CPZ: variants seen among roughly 807,000 people sequenced by gnomAD.
The protein encoded by CPZ is carboxypeptidase Z, also known as VEZT/CPZ fusion.
CPZ carries 103 observed loss-of-function variants against 61.8 expected under a neutral mutation model. The observed-to-expected ratio is 1.67, with a 90% CI of 1.42 to 1.96. The LOEUF is 1.96. Ranked by LOEUF, CPZ falls within the 30% of genes most tolerant of loss-of-function variation. CPZ has a pLI of 0.00. For synonymous variants in CPZ, 551 were observed against 373.7 expected (o/e 1.47, Z -5.47); for missense variants, 1,461 against 914.9 (o/e 1.60, Z -7.70).
intron 10 of CPZ, 61 bp from the exon 11 acceptor site, chr4:8,619,201 A>T: frequency 7.0e-7 from 1 of 1,438,266 alleles, no homozygotes; most frequent in South Asian, 1.3e-5. Flanking sequence ...TCCATCACCC[A>T]TCACCCCGTG....
At chr4:8,615,471 A>G (rs1716085463) in intron 9 of CPZ, among the ~76,000 whole-genome samples, 1 of 152,240 alleles carries the variant, frequency 6.6e-6, no homozygotes, top group African/African-American at 2.4e-5. Context: ...ACAGATGCCC[A>G]GTGAGAAGCA....
intron 1 of CPZ, among the ~76,000 whole-genome samples, chr4:8,597,789 T>G (rs1367154566): frequency 6.6e-6 from 1 of 152,172 alleles, no homozygotes; most frequent in African/African-American, 2.4e-5. Flanking sequence ...CCCCGGAAGA[T>G]CGTGTGCTGG....
intron 1 of CPZ, among the ~76,000 whole-genome samples, chr4:8,593,132 G>T (rs1005072860): frequency 4.6e-5 from 7 of 152,188 alleles, no homozygotes; most frequent in African/African-American, 1.7e-4. Context: ...GCTCTCTACG[G>T]CATCCAGGCC....
intron 4 of CPZ, among the ~76,000 whole-genome samples, chr4:8,605,330 C>CCATCCATCCATCCATCATTTATG (rs1340225512): frequency 0.06 from 8,918 of 149,220 alleles, 530 homozygotes; most frequent in African/African-American, 0.16. Flanking sequence ...ATTCATCCAT[C>CCATCCATCCATCCATCATTTATG]CATCCATCCA....
rs542634534 is a variant in CPZ, at chr4:8,608,148, CCCCAGCCCCCAGCT to C, written c.1227+724_1227+737del. On this transcript the variant is annotated intron_variant, in intron 7 of 10. Coordinates refer to ENST00000360986, the MANE Select transcript of CPZ (RefSeq NM_001014447.3). ...TGGGCCCCAGCCTCCAGCCCCCAGC[CCCCAGCCCCCAGCT>C]GCGGATCCTGGAGCTTAGCTGCCTG... Among the ~76,000 whole-genome samples the C allele has an allele frequency of 2.5e-3, 364 of 148,274 alleles. 3 individuals carry two copies. Among genetic ancestry groups the C allele is most frequent in the African/African-American group, 8.9e-3 (347 of 38,788 alleles).
At chr4:8,609,047 C>CCTCA (rs1553877564) in intron 7 of CPZ, among the ~76,000 whole-genome samples, 312 of 28,428 alleles carry the variant, frequency 0.011, 6 homozygotes, top group African/African-American at 0.045. Flanking sequence ...CCATTCACTC[C>CCTCA]CTCCCTCCCT....
chr4:8,607,875 G>C (rs1163086914), intron 7 of CPZ, among the ~76,000 whole-genome samples: 1 of 152,178 alleles, frequency 6.6e-6, no homozygotes, highest in Non-Finnish European at 1.5e-5. Flanking sequence ...CACGTGCTGG[G>C]CTCCTCCGGA....
At chr4:8,606,573 G>C (rs566106490) in intron 5 of CPZ, among the ~76,000 whole-genome samples, 164 bp from the exon 6 acceptor site, 144 of 152,276 alleles carry the variant, frequency 9.5e-4, no homozygotes, top group African/African-American at 3.2e-3. Flanking sequence ...GAGCCCCGGG[G>C]TGGAGAGGAG....
intron 1 of CPZ, among the ~76,000 whole-genome samples, chr4:8,596,737 C>A (rs1275352751): frequency 1.3e-5 from 2 of 152,176 alleles, no homozygotes; most frequent in Non-Finnish European, 2.9e-5. Flanking sequence ...CATCTGTGAA[C>A]AAGGGAGACT....
At chr4:8,618,691 G>C (rs968177089) in intron 10 of CPZ, among the ~76,000 whole-genome samples, 163 bp downstream of exon 10, 1 of 152,170 alleles carries the variant, frequency 6.6e-6, no homozygotes, top group African/African-American at 2.4e-5. Context: ...AGGAACCAGG[G>C]TCTGCGTCTC....
intron 10 of CPZ, among the ~76,000 whole-genome samples, chr4:8,619,009 G>A (rs562126392): frequency 6.6e-6 from 1 of 152,142 alleles, no homozygotes; most frequent in African/African-American, 2.4e-5. Context: ...GCTAACTGTG[G>A]GGTGGGTATG....
At chr4:8,614,605 A>G (rs1716008261) in intron 9 of CPZ, 107 bp downstream of exon 9, 12 of 1,177,902 alleles carry the variant, frequency 1.0e-5, no homozygotes, top group Non-Finnish European at 1.3e-5. Flanking sequence ...CCATACACAC[A>G]TGCTCCTTTT....
At chr4:8,611,409 C>T (rs1003649643) in intron 7 of CPZ, 1 of 417,184 alleles carries the variant, frequency 2.4e-6, no homozygotes, top group Non-Finnish European at 5.0e-6. Context: ...CCCAGCCACA[C>T]ATCCAAACAT....
chr4:8,608,144 C>T (rs910657090), intron 7 of CPZ, among the ~76,000 whole-genome samples: 1 of 151,844 alleles, frequency 6.6e-6, no homozygotes, highest in Non-Finnish European at 1.5e-5. Flanking sequence ...CTCCAGCCCC[C>T]AGCCCCCAGC....
chr4:8,604,036 G>A lies in CPZ; in HGVS notation c.557G>A (p.Ser186Asn). 1.2e-6 allele frequency: 2 copies of A among 1,612,128 alleles called. No individual in the cohort carries two copies. The highest frequency in any genetic ancestry group is 1.7e-6 in the Non-Finnish European group (2 of 1,179,850). ...SGLPPTFIRFSHHSYAQMVRV... is the reference protein window; with the variant it reads ...SGLPPTFIRFNHHSYAQMVRV... ...CTGCCGCCCACCTTCATCCGCTTCA[G>A]CCACCACTCCTACGCCCAGATGGTG... Residue 186 changes from serine to asparagine, a missense_variant, in exon 4 of 11, where the codon AGC becomes AAC. Physicochemically the swap from Ser to Asn is conservative, Grantham distance 46. Transcript: ENST00000360986.
chr4:8,614,272 C>G (rs1486709579), intron 8 of CPZ, 87 bp from the exon 9 acceptor site: 1 of 1,466,990 alleles, frequency 6.8e-7, no homozygotes, highest in Non-Finnish European at 9.1e-7. Flanking sequence ...GGCGTCCCGG[C>G]TGTCTCTGTG....
intron 7 of CPZ, among the ~76,000 whole-genome samples, chr4:8,608,142 C>T (rs370489188): frequency 5.1e-5 from 7 of 137,820 alleles, no homozygotes; most frequent in African/African-American, 9.1e-5. Flanking sequence ...GCCTCCAGCC[C>T]CCAGCCCCCA....
At chr4:8,610,131 A>G (rs1381436113) in intron 7 of CPZ, among the ~76,000 whole-genome samples, 1 of 152,162 alleles carries the variant, frequency 6.6e-6, no homozygotes, top group Non-Finnish European at 1.5e-5. Flanking sequence ...CTGGGGCAGG[A>G]GCTGGGTGGG....
rs199572540 is a variant in CPZ at position 8,606,868 on chromosome 4, C to A, written c.1038C>A (p.Ile346=). ...CCCGCGGCGCACGCAGCGACCACAT[C>A]CCCATCCCCCAGCACTACTGGTGGG... The part of the protein sequence containing the change: ...AETRGARSDH[I]PIPQHYWWGK... The change falls in exon 6 of 11, where the codon ATC becomes ATA. Residue 346 remains isoleucine (I), a synonymous_variant. Coordinates refer to ENST00000360986, the MANE Select transcript of CPZ (RefSeq NM_001014447.3). The A allele has an allele frequency of 1.3e-5, 21 of 1,612,856 alleles. No homozygotes were observed. Among genetic ancestry groups the A allele is most frequent in the Non-Finnish European group, 1.7e-5 (20 of 1,179,658 alleles).
Sources: gnomAD v4.1 joint callset for allele counts (sites outside exome capture counted in the v4.1 genomes callset) on GRCh38, gnomAD v4.1.1 for gene constraint, MANE v1.5 for transcripts, NCBI Gene and HGNC (gene_info 2026-07-23, HGNC 2026-07-21) for gene names.